Variants in ZMIZ1 observed in about 807,000 individuals in gnomAD.
The protein encoded by ZMIZ1 is zinc finger MIZ-type containing 1.
ZMIZ1 carries 17 observed loss-of-function variants against 113.9 expected under a neutral mutation model. The ratio of observed to expected loss-of-function variants is 0.15; its 90% CI spans 0.10 to 0.22. The LOEUF is 0.22. Ranked by LOEUF, ZMIZ1 falls within the 10% of genes least tolerant of loss-of-function variation. The pLI is 1.00. For synonymous variants in ZMIZ1, 607 were observed against 603.1 expected (o/e 1.01, Z -0.09); for missense variants, 1,059 against 1,477.8 (o/e 0.72, Z 4.65).
intron 1 of ZMIZ1, among the ~76,000 whole-genome samples, chr10:79,077,701 T>C (rs564755071): frequency 6.6e-6 from 1 of 152,380 alleles, no homozygotes; most frequent in East Asian, 1.9e-4. Context: ...TCTGTAACTT[T>C]GGGCAAGTAA....
intron 7 of ZMIZ1, among the ~76,000 whole-genome samples, chr10:79,272,340 G>A (rs1851998780): frequency 6.6e-6 from 1 of 152,172 alleles, no homozygotes; most frequent in African/African-American, 2.4e-5. Flanking sequence ...TTAACATTTG[G>A]CAGATAAACC....
intron 4 of ZMIZ1, among the ~76,000 whole-genome samples, chr10:79,183,817 G>C (rs1847234567): frequency 6.6e-6 from 1 of 152,154 alleles, no homozygotes. Context: ...GGAAGGCACG[G>C]CTGTTATCCT....
chr10:79,311,771 G>A (rs1302908694), intron 24 of ZMIZ1, among the ~76,000 whole-genome samples: 1 of 152,172 alleles, frequency 6.6e-6, no homozygotes, highest in Non-Finnish European at 1.5e-5. Context: ...CTACCCTGAG[G>A]TCTGGAAGAT....
chr10:79,163,784 T>C (rs1846208873), intron 4 of ZMIZ1, among the ~76,000 whole-genome samples: 2 of 152,216 alleles, frequency 1.3e-5, no homozygotes, highest in African/African-American at 4.8e-5. Flanking sequence ...TCCGCTGCTC[T>C]CTGGAGCCAG....
At chr10:79,081,093 A>G (rs1589249938) in intron 1 of ZMIZ1, among the ~76,000 whole-genome samples, 1 of 152,084 alleles carries the variant, frequency 6.6e-6, no homozygotes, top group Non-Finnish European at 1.5e-5. Flanking sequence ...CTGCCTCCCC[A>G]GCAGCTCCCT....
intron 3 of ZMIZ1, among the ~76,000 whole-genome samples, chr10:79,146,999 C>T (rs1182413903): frequency 2.6e-5 from 4 of 151,834 alleles, no homozygotes; most frequent in Non-Finnish European, 5.9e-5. Context: ...GCCAAGGAAA[C>T]CTTAGCCATC....
In ZMIZ1 at chr10:79,293,581, C is replaced by A. The variant is rs1378200180; in HGVS notation, c.1158C>A (p.Pro386=). The A allele has an allele frequency of 5.0e-6, 8 of 1,613,088 alleles. No individual in the cohort carries two copies. Among genetic ancestry groups the A allele is most frequent in the East Asian group, 4.5e-5 (2 of 44,880 alleles). The change falls in exon 12 of 25, where the codon CCC becomes CCA. Residue 386 remains proline, a synonymous_variant. Coordinates refer to ENST00000334512, the MANE Select transcript of ZMIZ1 (RefSeq NM_020338.4). ...TTGGCACACACGGGCAGCGGATGCCCCAGCAGACCTACCCGGGCCCCCGGC... is the reference window on the plus strand; with the variant it reads ...TTGGCACACACGGGCAGCGGATGCCACAGCAGACCTACCCGGGCCCCCGGC... ...SPFGTHGQRM[P]QQTYPGPRPQ...
chr10:79,292,387 T>C (rs1853556372), intron 11 of ZMIZ1, 31 bp downstream of exon 11: 2 of 1,586,008 alleles, frequency 1.3e-6, no homozygotes, highest in Admixed American at 1.7e-5. Flanking sequence ...TGGTCCAGCC[T>C]TGCCCAGCCA....
intron 9 of ZMIZ1, 31 bp downstream of exon 9, chr10:79,289,920 T>C (rs1370426667): frequency 6.3e-6 from 10 of 1,599,130 alleles, no homozygotes; most frequent in Middle Eastern, 3.3e-4. Context: ...CAGCCACAGC[T>C]CTTTCTAGGC....
chr10:79,249,249 C>T lies in ZMIZ1; in HGVS notation c.281-27932C>T, dbSNP rs116513015. On this transcript the variant is annotated intron_variant, in intron 7 of 24. Transcript: ENST00000334512. ...AGCGTCCGGGGCCACTGTCTCCTTG[C>T]GGTCCTTAGCTCCTGTGCACATCCA... is the stretch of plus-strand genomic sequence containing the variant. Among the ~76,000 whole-genome samples the T allele has an allele frequency of 7.0e-3, 1,066 of 152,336 alleles. 17 individuals are homozygous for T. Among genetic ancestry groups the T allele is most frequent in the African/African-American group, 0.024 (1,014 of 41,572 alleles).
At chr10:79,135,885 G>GCAACCCCCCCCCCCCCCC (rs1440234400) in intron 2 of ZMIZ1, among the ~76,000 whole-genome samples, 1 of 152,188 alleles carries the variant, frequency 6.6e-6, no homozygotes, top group African/African-American at 2.4e-5. Context: ...GGCCCTCTCG[G>GCAACCCCCCCCCCCCCCC]CCACCCACCC....
At chr10:79,285,267 G>T (rs1270787820) in intron 8 of ZMIZ1, among the ~76,000 whole-genome samples, 4 of 152,314 alleles carry the variant, frequency 2.6e-5, no homozygotes, top group South Asian at 4.1e-4. Flanking sequence ...TTAGGTGAAG[G>T]CCACTTCACA....
rs1338734752 is a variant in ZMIZ1 at position 79,314,497 on chromosome 10, C to T, written c.*1748C>T. ...CCCTTTTCTTCCTTTGTCCCGTTGT[C>T]GAGGTTTTTTCAAATAGCGTGTTGT... is the stretch of plus-strand genomic sequence containing the variant. On this transcript the variant is annotated 3_prime_UTR_variant, in exon 25 of 25. Transcript: ENST00000334512. The T allele has an allele frequency of 1.2e-5, 4 of 329,018 alleles. No individual in the cohort carries two copies. Among genetic ancestry groups the T allele is most frequent in the South Asian group, 4.9e-5 (2 of 41,166 alleles). The allele number at this position is 329,018 out of a possible 1,614,324, so 20.4% of individuals were successfully genotyped here.
intron 1 of ZMIZ1, among the ~76,000 whole-genome samples, chr10:79,093,317 A>G (rs1008547096): frequency 1.4e-5 from 1 of 71,766 alleles, no homozygotes; most frequent in Admixed American, 1.1e-4. Flanking sequence ...TTATTTATTT[A>G]TTTATTTATT....
chr10:79,293,740 T>C, intron 12 of ZMIZ1, 87 bp downstream of exon 12: 1 of 1,596,664 alleles, frequency 6.3e-7, no homozygotes, highest in Non-Finnish European at 8.6e-7. Flanking sequence ...TTGGAAGGGG[T>C]GTGGCTTGGA....
intron 7 of ZMIZ1, among the ~76,000 whole-genome samples, chr10:79,261,611 C>T (rs1378898702): frequency 1.3e-5 from 2 of 152,236 alleles, no homozygotes; most frequent in Non-Finnish European, 2.9e-5. Flanking sequence ...TCAGTTCTTA[C>T]AGCCACTCTG....
At chr10:79,302,020 G>A (rs1167884226) in intron 17 of ZMIZ1, 87 bp from the exon 18 acceptor site, 3 of 1,363,172 alleles carry the variant, frequency 2.2e-6, no homozygotes, top group Non-Finnish European at 3.1e-6. Context: ...GTGGGATCCT[G>A]GGAGCAGTCT....
intron 7 of ZMIZ1, among the ~76,000 whole-genome samples, chr10:79,255,072 G>A (rs1479783052): frequency 1.3e-5 from 2 of 152,184 alleles, no homozygotes; most frequent in African/African-American, 4.8e-5. Context: ...CCTGGGAGAC[G>A]TTGCCCTCCA....
intron 3 of ZMIZ1, among the ~76,000 whole-genome samples, chr10:79,141,973 T>C (rs984524479): frequency 4.1e-4 from 62 of 151,608 alleles, no homozygotes; most frequent in African/African-American, 1.5e-3. Flanking sequence ...GAGGAAGAGG[T>C]GGGAAGCCAT....
Sources: gnomAD v4.1 joint callset for allele counts (sites outside exome capture counted in the v4.1 genomes callset) on GRCh38, gnomAD v4.1.1 for gene constraint, MANE v1.5 for transcripts, NCBI Gene and HGNC (gene_info 2026-07-23, HGNC 2026-07-21) for gene names.